RBL1: variants seen among roughly 807,000 people sequenced by gnomAD.
RBL1 encodes retinoblastoma-like protein 1.
In RBL1, 82 loss-of-function variants were observed where a neutral mutation model predicts 123.0. That is an observed-to-expected ratio of 0.67 (90% CI 0.56 to 0.80). The LOEUF is 0.80. Ranked by LOEUF, RBL1 falls within the 30% of genes least tolerant of loss-of-function variation. The probability of loss-of-function intolerance (pLI) is 0.00; values close to 1 mark genes in which losing one functional copy is unlikely to be tolerated. For missense variants in RBL1, 1,171 were observed against 1,299.6 expected, an observed-to-expected ratio of 0.90 and a Z score of 1.52; for synonymous variants, 405 against 441.3, an observed-to-expected ratio of 0.92 and a Z score of 1.03.
chr20:37,084,701 CAAAT>C (rs546525862), intron 2 of RBL1, among the ~76,000 whole-genome samples: 15 of 151,592 alleles, frequency 9.9e-5, no homozygotes, highest in South Asian at 6.2e-4. Context: ...CTGTCTCAAA[CAAAT>C]AAAGAGAAAA....
chr20:37,079,792 A>G (rs573219713), intron 2 of RBL1, among the ~76,000 whole-genome samples: 13 of 152,244 alleles, frequency 8.5e-5, no homozygotes, highest in African/African-American at 2.4e-4. Context: ...CCAGCCCACA[A>G]AGGTTTCTAT....
In RBL1 at chr20:37,000,339, C is replaced by T. The variant is rs570699666; in HGVS notation, c.3037-1410G>A. On this transcript the variant is annotated intron_variant, in intron 21 of 21. Coordinates refer to ENST00000373664, the MANE Select transcript of RBL1 (RefSeq NM_002895.5). ...GGGAGGTGGGGGTCAGCCCCCCACC[C>T]GGCCAGCCGCCCCGTCCAGAAGGGA... Among the ~76,000 whole-genome samples, 301 of 150,280 alleles carry T rather than the reference C, an allele frequency of 2.0e-3. 3 individuals carry two copies. The highest frequency in any genetic ancestry group is 7.0e-3 in the African/African-American group (284 of 40,810).
At chr20:37,049,097 A>G (rs2064861123) in intron 11 of RBL1, among the ~76,000 whole-genome samples, 2 of 151,826 alleles carry the variant, frequency 1.3e-5, no homozygotes, top group African/African-American at 4.8e-5. Flanking sequence ...CAGCTACTCA[A>G]GAGGCTGAGG....
At position 37,069,567 on chromosome 20, in the gene RBL1, G is replaced by A. The variant is rs1295380944; in HGVS notation, c.291-1381C>T. ...AGGTGAGGAGCATCTCTGCCCGGCCGCCCCGTCTGAGAAGTGAGGAGACCC... is the reference window on the plus strand; with the variant it reads ...AGGTGAGGAGCATCTCTGCCCGGCCACCCCGTCTGAGAAGTGAGGAGACCC... On this transcript the variant is annotated intron_variant, in intron 2 of 21. Transcript: ENST00000373664. 1.2e-4 allele frequency among the ~76,000 whole-genome samples: 17 copies of A among 143,700 alleles called. No individual in the cohort carries two copies. In the East Asian group the frequency reaches 3.1e-3, roughly 26 times the overall value. 94.3% of individuals were successfully genotyped at this position (143,700 alleles called of 152,430 possible).
In RBL1 at chr20:37,010,414, C is replaced by G. The variant is rs189809742; in HGVS notation, c.2723-2855G>C. 2.6e-5 allele frequency among the ~76,000 whole-genome samples: 4 copies of G among 152,170 alleles called. No individual in the cohort carries two copies. The East Asian group carries it at 5.8e-4, about 22-fold the overall frequency. ...TATTATATATATGCATATATGTATA[C>G]ATAGTTGTGTATTGCATAATGATGG... On this transcript the variant is annotated intron_variant, in intron 19 of 21. Transcript: ENST00000373664.
At chr20:37,024,208 A>G (rs533976194) in intron 16 of RBL1, among the ~76,000 whole-genome samples, 1 of 152,308 alleles carries the variant, frequency 6.6e-6, no homozygotes, top group East Asian at 1.9e-4. Context: ...GTGATCTAAT[A>G]TAAAGAGAGA....
At chr20:37,076,567 T>C (rs911564483) in intron 2 of RBL1, among the ~76,000 whole-genome samples, 1 of 152,220 alleles carries the variant, frequency 6.6e-6, no homozygotes, top group Non-Finnish European at 1.5e-5. Flanking sequence ...GATTTCATTA[T>C]GCTACTCAAA....
At chr20:37,047,027 A>C in intron 12 of RBL1, 26 bp downstream of exon 12, 1 of 1,565,098 alleles carries the variant, frequency 6.4e-7, no homozygotes, top group Non-Finnish European at 8.6e-7. Flanking sequence ...TTTTCATCTC[A>C]TAACAGAACT....
chr20:37,008,573 A>G (rs893647877), intron 19 of RBL1, among the ~76,000 whole-genome samples: 1 of 152,234 alleles, frequency 6.6e-6, no homozygotes, highest in African/African-American at 2.4e-5. Flanking sequence ...AGGGTATTAC[A>G]AACTATCATT....
intron 21 of RBL1, among the ~76,000 whole-genome samples, chr20:37,001,422 ATTC>A (rs2063977859): frequency 6.6e-6 from 1 of 150,556 alleles, no homozygotes; most frequent in Admixed American, 6.6e-5. Flanking sequence ...ACTAAGAAAA[ATTC>A]TTCTGCCTTG....
chr20:37,056,769 A>G (rs974361588), intron 9 of RBL1, among the ~76,000 whole-genome samples: 2 of 152,212 alleles, frequency 1.3e-5, no homozygotes, highest in Non-Finnish European at 2.9e-5. Context: ...AAAATTATAT[A>G]ATAAAAATAC....
chr20:37,003,736 G>A lies in RBL1; in HGVS notation c.3002C>T (p.Ala1001Val), dbSNP rs747584676. The change falls in exon 21 of 22, where the codon GCT becomes GTT. Residue 1001 changes from alanine (A) to valine (V), a missense_variant. Transcript: ENST00000373664. ...KNGSGLTPRS[A>V]LLYKFNGSPS... ...GCTGCCATTGAACTTGTACAGCAGA[G>A]CGCTTCTTGGTGTAAGGCCTGACCC... is the stretch of plus-strand genomic sequence containing the variant. The A allele has an allele frequency of 3.1e-6, 5 of 1,613,606 alleles. No individual in the cohort carries two copies. Among genetic ancestry groups the A allele is most frequent in the Non-Finnish European group, 4.2e-6 (5 of 1,179,872 alleles).
At chr20:37,060,137 A>G (rs2065069667) in intron 9 of RBL1, among the ~76,000 whole-genome samples, 4 of 151,918 alleles carry the variant, frequency 2.6e-5, no homozygotes, top group African/African-American at 9.7e-5. Flanking sequence ...ATGCCATTGC[A>G]CTCCAGCCTG....
chr20:37,056,417 C>T (rs762801148), intron 9 of RBL1, among the ~76,000 whole-genome samples, 159 bp from the exon 10 acceptor site: 6 of 137,378 alleles, frequency 4.4e-5, no homozygotes, highest in Admixed American at 8.1e-5. Flanking sequence ...TGCAGTGGTG[C>T]GATCTCAGTT....
chr20:37,007,698 T>A (rs547509033), intron 19 of RBL1, 139 bp from the exon 20 acceptor site: 4 of 758,168 alleles, frequency 5.3e-6, no homozygotes, highest in East Asian at 2.9e-5. Flanking sequence ...ATTCAAGTGA[T>A]CCTCCCATCT....
Position 37,095,941 on chromosome 20 carries a change from C to T in RBL1, c.-13G>A. On this transcript the variant is annotated 5_prime_UTR_variant, in exon 1 of 22. Transcript: ENST00000373664. ...TGTCCTCGAACATCCCTTCAGGCCC[C>T]GCGGGCTGCGCGCCACGGCCCCCGA... The T allele has an allele frequency of 3.3e-6, 5 of 1,520,306 alleles. No homozygotes were observed. The highest frequency in any genetic ancestry group is 3.5e-6 in the Non-Finnish European group (4 of 1,129,084). 94.2% of individuals were successfully genotyped at this position (1,520,306 alleles called of 1,614,324 possible).
intron 16 of RBL1, among the ~76,000 whole-genome samples, chr20:37,027,826 C>A (rs1311753318): frequency 6.6e-6 from 1 of 152,174 alleles, no homozygotes. Flanking sequence ...ACCTTCTTAG[C>A]TCACTGCAGC....
intron 16 of RBL1, among the ~76,000 whole-genome samples, chr20:37,027,524 A>G (rs1047049380): frequency 1.3e-5 from 2 of 152,164 alleles, no homozygotes; most frequent in African/African-American, 4.8e-5. Context: ...CTAGCCAACC[A>G]TCTAGCTGTG....
intron 11 of RBL1, chr20:37,049,222 CAAAAAA>C: frequency 2.5e-6 from 1 of 398,678 alleles, no homozygotes; most frequent in East Asian, 4.3e-5. Context: ...AAACAAAAAA[CAAAAAA>C]AAATTTAAAG....
Sources: gnomAD v4.1 joint callset for allele counts (sites outside exome capture counted in the v4.1 genomes callset) on GRCh38, gnomAD v4.1.1 for gene constraint, MANE v1.5 for transcripts, NCBI Gene and HGNC (gene_info 2026-07-23, HGNC 2026-07-21) for gene names.